The following TEAD1 variants were observed in gnomAD, a reference collection of about 807,000 sequenced individuals.
TEAD1 encodes transcriptional enhancer factor TEF-1.
TEAD1 carries 9 observed loss-of-function variants against 54.9 expected under a neutral mutation model. The ratio of observed to expected loss-of-function variants is 0.16; its 90% CI spans 0.10 to 0.29. The LOEUF (loss-of-function observed/expected upper bound fraction) is 0.29. TEAD1 is among the 10% of genes least tolerant of loss of function. The pLI is 1.00. For synonymous variants in TEAD1, 200 were observed against 187.8 expected (o/e 1.07, Z -0.53); for missense variants, 387 against 535.9 (o/e 0.72, Z 2.74).
At chr11:12,761,775 G>A (rs115004154) in intron 2 of TEAD1, among the ~76,000 whole-genome samples, 1 of 152,324 alleles carries the variant, frequency 6.6e-6, no homozygotes, top group African/African-American at 2.4e-5. Context: ...AGGAATGGAT[G>A]TGTAGATGTT....
At chr11:12,695,054 T>C (rs1943551403) in intron 2 of TEAD1, among the ~76,000 whole-genome samples, 2 of 152,248 alleles carry the variant, frequency 1.3e-5, no homozygotes, top group Admixed American at 1.3e-4. Flanking sequence ...AATGCAAAAG[T>C]TTGCCTGGCT....
intron 3 of TEAD1, chr11:12,851,210 AAAC>A (rs1443608789): frequency 4.2e-6 from 2 of 477,258 alleles, no homozygotes; most frequent in East Asian, 1.5e-4. Context: ...AGTAGAGAAA[AAAC>A]AACAACAGAG....
intron 9 of TEAD1, among the ~76,000 whole-genome samples, chr11:12,883,865 C>T (rs534226197): frequency 4.6e-5 from 7 of 151,826 alleles, no homozygotes; most frequent in East Asian, 3.9e-4. Flanking sequence ...TACATGGCCA[C>T]GCACATGTAG....
chr11:12,738,681 C>G (rs2133889114), intron 2 of TEAD1, among the ~76,000 whole-genome samples: 2 of 152,296 alleles, frequency 1.3e-5, no homozygotes, highest in Middle Eastern at 3.4e-3. Context: ...CTTTCAGTTT[C>G]AGATGAAAAA....
chr11:12,840,263 G>GAAAAAAAAAAAAAAAAAAAA lies in TEAD1; in HGVS notation c.203-21977_203-21976insAAAAAAAAAAAAAAAAAAAA, dbSNP rs1564959349. On this transcript the variant is annotated intron_variant, in intron 3 of 12. Transcript: ENST00000527636. ...CTCTGCCTCAAAAAAAAAAAAAAAA[G>GAAAAAAAAAAAAAAAAAAAA]AAAAAAAAAAGACCAGAAACGAAAT... is the stretch of plus-strand genomic sequence containing the variant. Among the ~76,000 whole-genome samples, 4 of 43,544 alleles carry GAAAAAAAAAAAAAAAAAAAA rather than the reference G, an allele frequency of 9.2e-5. 1 individual carries two copies. Among genetic ancestry groups the GAAAAAAAAAAAAAAAAAAAA allele is most frequent in the Non-Finnish European group, 1.2e-4 (3 of 24,072 alleles). 28.6% of individuals were successfully genotyped at this position (43,544 alleles called of 152,430 possible). A position where few individuals can be genotyped will look rare whatever the true frequency, so the allele number is the denominator to read the frequency against.
Position 12,944,659 on chromosome 11 carries a change from G to A in TEAD1, c.*7437G>A, listed in dbSNP as rs1949190660. On this transcript the variant is annotated 3_prime_UTR_variant, in exon 13 of 13. Transcript: ENST00000527636. ...ATTTTGATGCCTTCTTGATAAAGTG[G>A]TAGACATTTTGTAGCTTTCTAGAAA... Among the ~76,000 whole-genome samples the A allele has an allele frequency of 2.0e-5, 3 of 152,138 alleles. No homozygotes were observed. The highest frequency in any genetic ancestry group is 4.1e-4 in the South Asian group (2 of 4,828).
intron 10 of TEAD1, among the ~76,000 whole-genome samples, chr11:12,923,718 C>T (rs910308833): frequency 6.6e-6 from 1 of 152,190 alleles, no homozygotes; most frequent in African/African-American, 2.4e-5. Context: ...TCTGTAGCAT[C>T]TGGTGGAAGG....
chr11:12,787,491 G>A (rs950401339), intron 3 of TEAD1, among the ~76,000 whole-genome samples: 1 of 152,088 alleles, frequency 6.6e-6, no homozygotes, highest in African/African-American at 2.4e-5. Context: ...AAGATAATTC[G>A]GTAAAAATAC....
chr11:12,735,291 T>C (rs1590097964), intron 2 of TEAD1, among the ~76,000 whole-genome samples: 1 of 152,218 alleles, frequency 6.6e-6, no homozygotes, highest in African/African-American at 2.4e-5. Flanking sequence ...AGTTCCTTTT[T>C]GGTTCATTCA....
chr11:12,914,936 G>A (rs1948683795), intron 10 of TEAD1, among the ~76,000 whole-genome samples: 1 of 152,280 alleles, frequency 6.6e-6, no homozygotes, highest in Admixed American at 6.5e-5. Flanking sequence ...TTCACAATTT[G>A]AAATCTTGGT....
chr11:12,870,377 C>T (rs917601596), intron 5 of TEAD1, among the ~76,000 whole-genome samples: 1 of 151,376 alleles, frequency 6.6e-6, no homozygotes, highest in African/African-American at 2.4e-5. Flanking sequence ...GGGAATAATG[C>T]GAGGAGACAG....
At chr11:12,785,225 C>G (rs149105864) in intron 3 of TEAD1, among the ~76,000 whole-genome samples, 63 of 152,296 alleles carry the variant, frequency 4.1e-4, no homozygotes, top group African/African-American at 1.3e-3. Context: ...AACTTCCCAG[C>G]TGCTCTCTTA....
At chr11:12,694,803 C>T (rs948818244) in intron 2 of TEAD1, among the ~76,000 whole-genome samples, 3 of 152,126 alleles carry the variant, frequency 2.0e-5, no homozygotes, top group East Asian at 1.9e-4. Flanking sequence ...GAAATGAGAC[C>T]CTTCTCCCCC....
At chr11:12,867,543 A>G (rs552558301) in intron 5 of TEAD1, among the ~76,000 whole-genome samples, 3 of 152,150 alleles carry the variant, frequency 2.0e-5, no homozygotes, top group Non-Finnish European at 2.9e-5. Context: ...CACTCCCTCC[A>G]TGAGCATTTT....
At chr11:12,843,298 G>A (rs1032661151) in intron 3 of TEAD1, among the ~76,000 whole-genome samples, 1 of 152,194 alleles carries the variant, frequency 6.6e-6, no homozygotes, top group African/African-American at 2.4e-5. Context: ...AAAAGATCAT[G>A]CATCCTCGTT....
chr11:12,735,837 C>G (rs1944519659), intron 2 of TEAD1, among the ~76,000 whole-genome samples: 1 of 152,176 alleles, frequency 6.6e-6, no homozygotes, highest in Non-Finnish European at 1.5e-5. Context: ...TTTTCTTCAT[C>G]TCTCCATCAC....
intron 2 of TEAD1, among the ~76,000 whole-genome samples, chr11:12,679,221 A>G (rs1310498362): frequency 6.6e-6 from 1 of 152,146 alleles, no homozygotes; most frequent in Non-Finnish European, 1.5e-5. Context: ...GGTGTGTTAC[A>G]TGCACTACAC....
At position 12,739,202 on chromosome 11, in the gene TEAD1, A is replaced by T. The variant is rs117534999; in HGVS notation, c.-54-24977A>T. ...TTTGCTTTGAGGTCTCATTCTTTCT[A>T]TCTATCTATCTATCTATCTGTCTAT... On this transcript the variant is annotated intron_variant, in intron 2 of 12. Coordinates refer to ENST00000527636, the MANE Select transcript of TEAD1 (RefSeq NM_021961.6). Among the ~76,000 whole-genome samples the T allele has an allele frequency of 5.3e-4, 75 of 140,854 alleles. 1 individual carries two copies. In the East Asian group the frequency reaches 7.8e-3, roughly 15 times the overall value. The allele number at this position is 140,854 out of a possible 152,430, so 92.4% of individuals were successfully genotyped here. A position where few individuals can be genotyped will look rare whatever the true frequency, so the allele number is the denominator to read the frequency against.
chr11:12,897,078 A>G (rs1032424534), intron 9 of TEAD1, among the ~76,000 whole-genome samples: 8 of 152,204 alleles, frequency 5.3e-5, no homozygotes, highest in African/African-American at 1.9e-4. Context: ...TATGTGAGTC[A>G]TTGACATTCG....
Sources: allele counts gnomAD v4.1 joint callset (sites outside exome capture counted in the v4.1 genomes callset), GRCh38; gene constraint gnomAD v4.1.1; transcripts MANE v1.5; gene names NCBI Gene and HGNC (gene_info 2026-07-23, HGNC 2026-07-21).